The following FREM2 variants were observed in gnomAD, a reference collection of about 807,000 sequenced individuals.
FREM2 encodes the protein FRAS1 related extracellular matrix 2.
In FREM2, 119 loss-of-function variants were observed where a neutral mutation model predicts 219.9. The observed-to-expected ratio is 0.54, with a 90% CI of 0.47 to 0.63. The LOEUF (loss-of-function observed/expected upper bound fraction) is 0.63, where lower values mean the gene tolerates loss of function less well. FREM2 is among the 30% of genes least tolerant of loss of function. FREM2 has a pLI of 0.00. For synonymous variants in FREM2, 1,562 were observed against 1,522.8 expected, an observed-to-expected ratio of 1.03 and a Z score of -0.60; for missense variants, 4,030 against 3,993.6, an observed-to-expected ratio of 1.01 and a Z score of -0.25.
chr13:38,718,935 T>G (rs1871115941), intron 2 of FREM2, among the ~76,000 whole-genome samples: 1 of 152,176 alleles, frequency 6.6e-6, no homozygotes, highest in Non-Finnish European at 1.5e-5. Flanking sequence ...AGAAATTGAG[T>G]CTCAAAGAAT....
intron 16 of FREM2, 165 bp downstream of exon 16, chr13:38,864,771 G>A: frequency 2.9e-6 from 2 of 687,396 alleles, no homozygotes; most frequent in Non-Finnish European, 5.2e-6. Context: ...GAAAATCCGT[G>A]TCTATTTCTT....
At position 38,861,636 on chromosome 13, in the gene FREM2, TCTA is replaced by T; in HGVS notation, c.7651+75_7651+77del. ...TTACCTGTTGTATTTTCCTTCATCT[TCTA>T]AATAACCAAGCTTAAATAAACGTTC... On this transcript the variant is annotated intron_variant, in intron 15 of 23. Transcript: ENST00000280481. 3 of 1,516,068 alleles carry T rather than the reference TCTA, an allele frequency of 2.0e-6. No homozygotes were observed. The South Asian group carries it at 3.4e-5, about 17-fold the overall frequency. The allele number at this position is 1,516,068 out of a possible 1,614,324, so 93.9% of individuals were successfully genotyped here.
At chr13:38,697,829 G>A (rs778218323) in intron 2 of FREM2, 42 bp downstream of exon 2, 19 of 1,100,322 alleles carry the variant, frequency 1.7e-5, no homozygotes, top group Middle Eastern at 2.0e-4. Flanking sequence ...AAGGAGAGAC[G>A]CTTTTCTTGG....
Position 38,687,105 on chromosome 13 carries a change from G to T in FREM2, c.-240G>T, listed in dbSNP as rs891185625. 9 of 591,826 alleles carry T rather than the reference G, an allele frequency of 1.5e-5. No individual in the cohort carries two copies. Among genetic ancestry groups the T allele is most frequent in the African/African-American group, 3.7e-5 (2 of 53,564 alleles). The allele number at this position is 591,826 out of a possible 1,614,324, so 36.7% of individuals were successfully genotyped here. A position where few individuals can be genotyped will look rare whatever the true frequency, so the allele number is the denominator to read the frequency against. On this transcript the variant is annotated 5_prime_UTR_variant, in exon 1 of 24. Coordinates refer to ENST00000280481, the MANE Select transcript of FREM2 (RefSeq NM_207361.6). The stretch of plus-strand genomic sequence containing the variant: ...AGTGGAGGGATTCAATTCTCCGCGC[G>T]ATTGAGGCGCTAGCGGCGGAGCTGG...
In FREM2 at chr13:38,691,279, T is replaced by C; in HGVS notation, c.3935T>C (p.Leu1312Pro). ...CCCAGAATGACTATCAATAATGGAC[T>C]AGAAATAGAAATTGGGGATACCAAG... ...ETPRMTINNG[L>P]EIEIGDTKII... is the part of the protein sequence containing the mutation. Residue 1312 changes from leucine to proline, a missense_variant, in exon 1 of 24, where the codon CTA (leucine) becomes CCA (proline). By Grantham distance (98) the Leu-to-Pro change is moderately conservative. Around this residue, in one of 2 missense-constraint regions of FREM2, gnomAD observed 3,102 missense variants for 2,950.7 expected, o/e 1.05. Transcript: ENST00000280481. The C allele has an allele frequency of 6.2e-7, 1 of 1,613,850 alleles. No individual in the cohort carries two copies. The highest frequency in any genetic ancestry group is 8.5e-7 in the Non-Finnish European group (1 of 1,179,746).
Position 38,876,372 on chromosome 13 carries a change from G to A in FREM2, c.8534G>A (p.Arg2845Gln), listed in dbSNP as rs907246259. ...CCTGTCACCTTTGACCTTGACATCC[G>A]ATTCCAACAGGTGTGGCTTATAGAA... ...REPVTFDLDIRFQQVSDPVAA... is the reference protein window; with the variant it reads ...REPVTFDLDIQFQQVSDPVAA... Residue 2845 changes from arginine (R) to glutamine (Q), a missense_variant, in exon 20 of 24, where the codon CGA becomes CAA. Coordinates refer to ENST00000280481, the MANE Select transcript of FREM2 (RefSeq NM_207361.6). 5 of 1,612,998 alleles carry A rather than the reference G, an allele frequency of 3.1e-6. No homozygotes were observed. Among genetic ancestry groups the A allele is most frequent in the East Asian group, 2.2e-5 (1 of 44,858 alleles).
At position 38,861,415 on chromosome 13, in the gene FREM2, C is replaced by CTTT. The variant is rs36084034; in HGVS notation, c.7520-7_7520-5dup. 38 of 1,325,394 alleles carry CTTT rather than the reference C, an allele frequency of 2.9e-5. No individual in the cohort carries two copies. The African/African-American group carries it at 4.3e-4, about 15-fold the overall frequency. The allele number at this position is 1,325,394 out of a possible 1,614,324, so 82.1% of individuals were successfully genotyped here. On this transcript the variant is annotated splice_polypyrimidine_tract_variant and intron_variant, in intron 14 of 23. Coordinates refer to ENST00000280481, the MANE Select transcript of FREM2 (RefSeq NM_207361.6). Reference sequence around the variant, plus strand: ...TACCTTCTTTTCGCATAAATATGGTCTTTTTTTTTTTCAAGGTCTTTGTCA... The same window carrying CTTT: ...TACCTTCTTTTCGCATAAATATGGTCTTTTTTTTTTTTTTCAAGGTCTTTGTCA...
At chr13:38,795,424 C>G (rs956888847) in intron 6 of FREM2, among the ~76,000 whole-genome samples, 1 of 150,034 alleles carries the variant, frequency 6.7e-6, no homozygotes, top group East Asian at 1.9e-4. Context: ...TAAATGAATC[C>G]CTTGTAACTT....
intron 4 of FREM2, among the ~76,000 whole-genome samples, chr13:38,778,086 T>C (rs1323367427): frequency 6.6e-6 from 1 of 152,228 alleles, no homozygotes; most frequent in Non-Finnish European, 1.5e-5. Flanking sequence ...TTAAAAAGAT[T>C]ATTAAATTAA....
At position 38,689,578 on chromosome 13, in the gene FREM2, C is replaced by T. The variant is rs1283699487; in HGVS notation, c.2234C>T (p.Pro745Leu). 2 of 1,612,474 alleles carry T rather than the reference C, an allele frequency of 1.2e-6. No homozygotes were observed. The highest frequency in any genetic ancestry group is 2.2e-5 in the South Asian group (2 of 90,872). The change falls in exon 1 of 24, where the codon CCC (proline) becomes CTC (leucine). Residue 745 changes from proline to leucine, a missense_variant. Pro to Leu is a moderately conservative substitution (Grantham distance 98). This residue lies in a region of FREM2 where 3,102 missense variants were observed against 2,950.7 expected (regional missense o/e 1.05). Coordinates refer to ENST00000280481, the MANE Select transcript of FREM2 (RefSeq NM_207361.6). The part of the protein sequence containing the change: ...DRELRYTVTQ[P>L]PTDTDENHLP... ...GAACTACGTTACACAGTGACTCAGCCCCCCACAGACACAGACGAAAATCAC... is the reference window on the plus strand; with the variant it reads ...GAACTACGTTACACAGTGACTCAGCTCCCCACAGACACAGACGAAAATCAC...
intron 15 of FREM2, among the ~76,000 whole-genome samples, chr13:38,863,329 T>G (rs573341456): frequency 2.6e-4 from 39 of 152,240 alleles, no homozygotes; most frequent in African/African-American, 9.4e-4. Flanking sequence ...GGATTACAGA[T>G]GTGAGCCACC....
intron 6 of FREM2, among the ~76,000 whole-genome samples, chr13:38,819,088 G>A (rs11618089): frequency 3.5e-3 from 532 of 152,128 alleles, no homozygotes; most frequent in Middle Eastern, 6.8e-3. Flanking sequence ...AAAGAAGAAG[G>A]CAAATGAGCA....
intron 9 of FREM2, among the ~76,000 whole-genome samples, chr13:38,850,511 C>T (rs1458435886): frequency 6.6e-6 from 1 of 152,102 alleles, no homozygotes; most frequent in Non-Finnish European, 1.5e-5. Context: ...TTTTACAATG[C>T]TAGGAATTAA....
chr13:38,718,000 A>G (rs1871078704), intron 2 of FREM2, among the ~76,000 whole-genome samples: 1 of 152,234 alleles, frequency 6.6e-6, no homozygotes, highest in African/African-American at 2.4e-5. Context: ...GTACAAAACT[A>G]AAAATAACCA....
At chr13:38,814,230 C>G (rs919144277) in intron 6 of FREM2, among the ~76,000 whole-genome samples, 1 of 152,080 alleles carries the variant, frequency 6.6e-6, no homozygotes, top group Non-Finnish European at 1.5e-5. Context: ...GTCTTGTTTT[C>G]CTGGATGGTA....
chr13:38,823,176 C>T (rs1442408709), intron 6 of FREM2, among the ~76,000 whole-genome samples: 1 of 151,956 alleles, frequency 6.6e-6, no homozygotes, highest in East Asian at 1.9e-4. Flanking sequence ...CTACCTCCTT[C>T]ATATCTCTAA....
In FREM2 at chr13:38,690,284, G is replaced by A; in HGVS notation, c.2940G>A (p.Met980Ile). 2 of 1,614,170 alleles carry A rather than the reference G, an allele frequency of 1.2e-6. No individual in the cohort carries two copies. Among genetic ancestry groups the A allele is most frequent in the Non-Finnish European group, 1.7e-6 (2 of 1,179,988 alleles). Reference protein sequence around the residue: ...KGTNEETDDLMLTFLLEDPPL... With the variant: ...KGTNEETDDLILTFLLEDPPL... Reference sequence around the variant, plus strand: ...CCAATGAGGAAACTGATGACTTGATGTTGACTTTCCTCTTGGAAGATCCAC... The same window carrying A: ...CCAATGAGGAAACTGATGACTTGATATTGACTTTCCTCTTGGAAGATCCAC... Residue 980 changes from methionine (M) to isoleucine (I), a missense_variant, in exon 1 of 24, where the codon ATG becomes ATA. Physicochemically the swap from Met to Ile is conservative, Grantham distance 10 (BLOSUM62 1). This residue lies in a region of FREM2 where 3,102 missense variants were observed against 2,950.7 expected (regional missense o/e 1.05). Transcript: ENST00000280481.
chr13:38,806,584 A>G (rs1252666795), intron 6 of FREM2, among the ~76,000 whole-genome samples: 1 of 151,958 alleles, frequency 6.6e-6, no homozygotes, highest in African/African-American at 2.4e-5. Flanking sequence ...AATAAAAAAT[A>G]CTTAAAATAC....
At chr13:38,725,446 C>T (rs991612176) in intron 2 of FREM2, among the ~76,000 whole-genome samples, 3 of 152,170 alleles carry the variant, frequency 2.0e-5, no homozygotes, top group Admixed American at 1.3e-4. Flanking sequence ...CTATCCAAAG[C>T]ATGGTCAAAG....
Sources: allele counts gnomAD v4.1 joint callset (sites outside exome capture counted in the v4.1 genomes callset), GRCh38; gene constraint gnomAD v4.1.1; regional missense constraint gnomAD v4.1.1; transcripts MANE v1.5; gene names NCBI Gene and HGNC (gene_info 2026-07-23, HGNC 2026-07-21).